Variants in SFXN5 observed in about 807,000 individuals in gnomAD.
The protein encoded by SFXN5 is sideroflexin-5.
A neutral mutation model predicts 50.2 loss-of-function variants in SFXN5; 43 were observed. The ratio of observed to expected loss-of-function variants is 0.86; its 90% CI spans 0.67 to 1.11. The LOEUF is 1.11. Among genes scored for constraint, SFXN5 ranks in the 50% least tolerant of loss-of-function variants. SFXN5 has a pLI of 0.00. For synonymous variants in SFXN5, 203 were observed against 185.8 expected (o/e 1.09, Z -0.75); for missense variants, 463 against 454.1 (o/e 1.02, Z -0.18).
chr2:73,052,000 G>C (rs1432397021), intron 2 of SFXN5, among the ~76,000 whole-genome samples: 1 of 152,094 alleles, frequency 6.6e-6, no homozygotes, highest in Non-Finnish European at 1.5e-5. Flanking sequence ...TCAAACCATA[G>C]CTTATGAACT....
chr2:73,018,726 A>G (rs949287754), intron 6 of SFXN5, among the ~76,000 whole-genome samples: 2 of 152,234 alleles, frequency 1.3e-5, no homozygotes, highest in Admixed American at 6.5e-5. Flanking sequence ...AAACATTCAC[A>G]TACAGATCTT....
At chr2:73,043,132 G>A (rs1211591068) in intron 2 of SFXN5, among the ~76,000 whole-genome samples, 1 of 152,218 alleles carries the variant, frequency 6.6e-6, no homozygotes, top group Non-Finnish European at 1.5e-5. Flanking sequence ...AACAGTGATA[G>A]AAGGAAGCTC....
rs527372950 is a variant in SFXN5, at chr2:72,953,146, G to A, written c.945+7985C>T. Among the ~76,000 whole-genome samples, 1 of 152,302 alleles carries A rather than the reference G, an allele frequency of 6.6e-6. No individual in the cohort carries two copies. Among genetic ancestry groups the A allele is most frequent in the South Asian group, 2.1e-4 (1 of 4,826 alleles). The stretch of plus-strand genomic sequence containing the variant: ...GTTTGGGGTGGGGGTGTGGGGAACA[G>A]GCAAAATGACAGGTGGCGTTGGCGT... On this transcript the variant is annotated intron_variant, in intron 13 of 13. Coordinates refer to ENST00000272433, the MANE Select transcript of SFXN5 (RefSeq NM_144579.3). The surrounding 1 kb of genome is among the most constrained non-coding windows in gnomAD (Gnocchi z 4.1).
At position 72,956,583 on chromosome 2, in the gene SFXN5, A is replaced by G. The variant is rs115328511; in HGVS notation, c.945+4548T>C. 9.1e-4 allele frequency among the ~76,000 whole-genome samples: 139 copies of G among 152,298 alleles called. 1 individual carries two copies. The highest frequency in any genetic ancestry group is 3.2e-3 in the African/African-American group (132 of 41,552). ...GGGTACAAAGCCTGCTCCATCGTCA[A>G]CAACTTTGGATCTTGGACAACGTAC... On this transcript the variant is annotated intron_variant, in intron 13 of 13. Transcript: ENST00000272433.
In SFXN5 at chr2:72,988,265, A is replaced by G; in HGVS notation, c.618T>C (p.Pro206=). Residue 206 remains proline, a synonymous_variant, in exon 10 of 14, where the codon CCT becomes CCC. Transcript: ENST00000272433. ...GTGGTGTGCAGGTCTTACCTACAGCAGGGAACGGCACAAACCTCTGGATGA... is the reference window on the plus strand; with the variant it reads ...GTGGTGTGCAGGTCTTACCTACAGCGGGGAACGGCACAAACCTCTGGATGA... The part of the protein sequence containing the change: ...RLLIQRFVPF[P]AVASANICNV... 1 of 1,613,680 alleles carries G rather than the reference A, an allele frequency of 6.2e-7. No individual in the cohort carries two copies. The highest frequency in any genetic ancestry group is 8.5e-7 in the Non-Finnish European group (1 of 1,179,804).
intron 2 of SFXN5, among the ~76,000 whole-genome samples, chr2:73,057,312 A>T (rs928471101): frequency 1.3e-5 from 2 of 152,080 alleles, no homozygotes; most frequent in East Asian, 1.9e-4. Flanking sequence ...ATAATTTTTT[A>T]AAATTTTGTA....
In SFXN5 at chr2:73,071,644, T is replaced by C; in HGVS notation, c.62A>G (p.Asp21Gly). ...TTTGCCCAGTTGGAAAGGAGGTGCA[T>C]CGCTCGAGGCGCTAGCGGCACTAGC... ...AAASAASASS[D>G]APPFQLGKPR... is the part of the protein sequence containing the mutation. Residue 21 changes from aspartate to glycine, a missense_variant, in exon 1 of 14, where the codon GAT (aspartate) becomes GGT (glycine). Coordinates refer to ENST00000272433, the MANE Select transcript of SFXN5 (RefSeq NM_144579.3). 1 of 1,613,728 alleles carries C rather than the reference T, an allele frequency of 6.2e-7. No individual in the cohort carries two copies. Among genetic ancestry groups the C allele is most frequent in the Non-Finnish European group, 8.5e-7 (1 of 1,179,906 alleles).
chr2:72,988,085 G>T (rs1056111096), intron 10 of SFXN5, among the ~76,000 whole-genome samples, 173 bp downstream of exon 10: 1 of 152,222 alleles, frequency 6.6e-6, no homozygotes, highest in Non-Finnish European at 1.5e-5. Flanking sequence ...GCACAGAGCT[G>T]GTCAGTGGGA....
intron 2 of SFXN5, among the ~76,000 whole-genome samples, chr2:73,047,810 G>A (rs1680709701): frequency 6.6e-6 from 1 of 152,122 alleles, no homozygotes; most frequent in Admixed American, 6.5e-5. Flanking sequence ...TACAGTAAAT[G>A]TGAAATATTT....
At chr2:73,022,690 G>C in intron 4 of SFXN5, 114 bp from the exon 5 acceptor site, 5 of 704,410 alleles carry the variant, frequency 7.1e-6, no homozygotes, top group Non-Finnish European at 1.0e-5. Flanking sequence ...AAGAAGGGAA[G>C]AAGACAACTT....
intron 13 of SFXN5, among the ~76,000 whole-genome samples, chr2:72,957,826 C>T (rs188578298): frequency 6.6e-6 from 1 of 152,350 alleles, no homozygotes. Context: ...TAGCCTGCAT[C>T]TTGTTGGGAT....
intron 9 of SFXN5, among the ~76,000 whole-genome samples, chr2:72,996,108 G>A (rs17504684): frequency 1.5e-3 from 235 of 152,338 alleles, no homozygotes; most frequent in Admixed American, 4.1e-3. Flanking sequence ...GGCTCAGACT[G>A]CAGAACACTA....
chr2:73,018,806 T>C (rs1047734445), intron 6 of SFXN5, among the ~76,000 whole-genome samples: 3 of 152,236 alleles, frequency 2.0e-5, no homozygotes, highest in African/African-American at 7.2e-5. Flanking sequence ...ATATAGTAAG[T>C]GCATCTTCAG....
intron 10 of SFXN5, among the ~76,000 whole-genome samples, chr2:72,985,566 G>T (rs931567143): frequency 2.6e-5 from 4 of 151,656 alleles, no homozygotes; most frequent in South Asian, 4.2e-4. Context: ...AAGCCTGTGG[G>T]GGGGTGGGAG....
intron 2 of SFXN5, among the ~76,000 whole-genome samples, chr2:73,043,213 G>C (rs1046015089): frequency 6.6e-5 from 10 of 152,404 alleles, no homozygotes; most frequent in Non-Finnish European, 1.0e-4. Flanking sequence ...CAGCGAAGCT[G>C]CTGTGTTCCC....
chr2:73,049,377 G>A (rs570418573), intron 2 of SFXN5: 2 of 152,344 alleles, frequency 1.3e-5, no homozygotes, highest in Admixed American at 6.5e-5. Flanking sequence ...CAACCGATTC[G>A]AGTAGCTGGG....
chr2:72,983,127 G>A (rs950838156), intron 10 of SFXN5, among the ~76,000 whole-genome samples: 9 of 152,220 alleles, frequency 5.9e-5, no homozygotes, highest in African/African-American at 1.7e-4. Context: ...ACTCCTAGAC[G>A]GAGGAAGCAG....
chr2:72,971,941 C>T (rs756241299), intron 10 of SFXN5, among the ~76,000 whole-genome samples: 29 of 152,168 alleles, frequency 1.9e-4, no homozygotes, highest in Admixed American at 1.0e-3. Flanking sequence ...CCTCAGAGAG[C>T]GGCCACTTAC....
chr2:73,037,359 C>G (rs1303092305), intron 3 of SFXN5, among the ~76,000 whole-genome samples: 2 of 152,168 alleles, frequency 1.3e-5, no homozygotes, highest in Non-Finnish European at 2.9e-5. Context: ...ATCCCCCAGG[C>G]CCTACCCTCG....
Sources: gnomAD v4.1 joint callset for allele counts (sites outside exome capture counted in the v4.1 genomes callset) on GRCh38, gnomAD v4.1.1 for gene constraint, Gnocchi (gnomAD v3.1) non-coding constraint, MANE v1.5 for transcripts, NCBI Gene and HGNC (gene_info 2026-07-23, HGNC 2026-07-21) for gene names.